NTM: variants seen among roughly 807,000 people sequenced by gnomAD.
NTM encodes the protein IgLON family member 2.
NTM carries 13 observed loss-of-function variants against 42.1 expected under a neutral mutation model. The ratio of observed to expected loss-of-function variants is 0.31; its 90% CI spans 0.20 to 0.49. The LOEUF (loss-of-function observed/expected upper bound fraction) is 0.49. NTM is among the 20% of genes least tolerant of loss of function. NTM has a pLI of 0.99. For synonymous variants in NTM, 187 were observed against 179.2 expected, an observed-to-expected ratio of 1.04 and a Z score of -0.35; for missense variants, 373 against 452.8, an observed-to-expected ratio of 0.82 and a Z score of 1.60.
intron 2 of NTM, among the ~76,000 whole-genome samples, chr11:131,989,329 C>T (rs2066605921): frequency 6.8e-6 from 1 of 147,026 alleles, no homozygotes. Flanking sequence ...TTTAAAAAAT[C>T]AACAGTAATT....
chr11:131,929,516 G>A, intron 2 of NTM, among the ~76,000 whole-genome samples: 1 of 140,614 alleles, frequency 7.1e-6, no homozygotes, highest in Admixed American at 7.1e-5. Context: ...CGTTTTTTTT[G>A]TATACGGCAA....
At chr11:131,613,246 C>T (rs573657036) in intron 1 of NTM, among the ~76,000 whole-genome samples, 7 of 152,330 alleles carry the variant, frequency 4.6e-5, no homozygotes, top group South Asian at 2.1e-4. Flanking sequence ...TAGGCCACTC[C>T]GACAAGCAGA....
intron 1 of NTM, among the ~76,000 whole-genome samples, chr11:131,641,283 G>A (rs977831154): frequency 2.0e-5 from 3 of 152,188 alleles, no homozygotes; most frequent in Admixed American, 6.5e-5. Flanking sequence ...ATCTTAGAAA[G>A]CCACTAATGT....
At chr11:132,322,148 A>G (rs550978370) in intron 7 of NTM, among the ~76,000 whole-genome samples, 118 of 152,230 alleles carry the variant, frequency 7.8e-4, no homozygotes, top group African/African-American at 2.8e-3. Flanking sequence ...AGCTAACATC[A>G]TAATGACAGG....
intron 2 of NTM, among the ~76,000 whole-genome samples, chr11:132,139,641 C>T (rs1272289189): frequency 6.6e-6 from 1 of 152,170 alleles, no homozygotes; most frequent in African/African-American, 2.4e-5. Context: ...GGGACTGCCT[C>T]CTTGCACGAT....
At chr11:132,248,196 G>A (rs1020341080) in intron 4 of NTM, among the ~76,000 whole-genome samples, 31 of 152,048 alleles carry the variant, frequency 2.0e-4, no homozygotes, top group African/African-American at 7.2e-4. Context: ...GAGAGACAGG[G>A]GAAAAAACTG....
At chr11:131,374,459 A>G (rs1941688691) in intron 1 of NTM, among the ~76,000 whole-genome samples, 1 of 152,148 alleles carries the variant, frequency 6.6e-6, no homozygotes, top group African/African-American at 2.4e-5. Flanking sequence ...GGTTCCCTTA[A>G]AGCCAAATAT....
intron 1 of NTM, among the ~76,000 whole-genome samples, chr11:131,607,468 C>T (rs1359140299): frequency 6.6e-6 from 1 of 152,196 alleles, no homozygotes; most frequent in Non-Finnish European, 1.5e-5. Context: ...ATAACTTCAC[C>T]TGGGCCAATT....
intron 2 of NTM, among the ~76,000 whole-genome samples, chr11:131,958,015 T>C (rs538669292): frequency 6.6e-6 from 1 of 152,282 alleles, no homozygotes; most frequent in African/African-American, 2.4e-5. Flanking sequence ...TTCTGATTGG[T>C]GCCATAAAAA....
chr11:131,421,204 T>C (rs545272770), intron 1 of NTM, among the ~76,000 whole-genome samples: 2 of 152,332 alleles, frequency 1.3e-5, no homozygotes, highest in African/African-American at 4.8e-5. Flanking sequence ...GCAATCTGCC[T>C]CCTCCCCTGG....
At chr11:131,531,811 G>A (rs147572181) in intron 1 of NTM, among the ~76,000 whole-genome samples, 2 of 152,176 alleles carry the variant, frequency 1.3e-5, no homozygotes, top group African/African-American at 2.4e-5. Flanking sequence ...CTGATAGGAG[G>A]GGAATTAACT....
intron 4 of NTM, chr11:132,306,168 TTGTTGC>T (rs2095072495): frequency 6.6e-6 from 1 of 152,218 alleles, no homozygotes; most frequent in Non-Finnish European, 1.5e-5. Context: ...GGTCTTGTTG[TTGTTGC>T]TGTTGTTATT....
chr11:131,828,034 G>T (rs1050512166), intron 1 of NTM, among the ~76,000 whole-genome samples: 20 of 152,060 alleles, frequency 1.3e-4, no homozygotes, highest in African/African-American at 4.8e-4. Flanking sequence ...GAGTCAAACT[G>T]CCTGGGTTCA....
chr11:132,260,849 C>T (rs967748817), intron 4 of NTM, among the ~76,000 whole-genome samples: 2 of 152,174 alleles, frequency 1.3e-5, no homozygotes, highest in Non-Finnish European at 2.9e-5. Flanking sequence ...CCCATTAAGT[C>T]ATGAGCCTCA....
chr11:132,164,634 TA>T (rs894190523), intron 3 of NTM, among the ~76,000 whole-genome samples: 2 of 151,944 alleles, frequency 1.3e-5, no homozygotes, highest in Non-Finnish European at 2.9e-5. Context: ...AACCAGCATC[TA>T]AATCTACTGT....
chr11:131,529,973 T>C (rs1238060089), intron 1 of NTM, among the ~76,000 whole-genome samples: 1 of 152,178 alleles, frequency 6.6e-6, no homozygotes, highest in Non-Finnish European at 1.5e-5. Flanking sequence ...TTGAGGAGTG[T>C]ACAAGTGCCT....
intron 1 of NTM, among the ~76,000 whole-genome samples, chr11:131,789,711 C>T (rs912325550): frequency 6.6e-6 from 1 of 150,806 alleles, no homozygotes; most frequent in Non-Finnish European, 1.5e-5. Context: ...AATCCCAGCA[C>T]TTTGGGAGGT....
chr11:131,853,257 A>T (rs1402747496), intron 1 of NTM, among the ~76,000 whole-genome samples: 4 of 152,126 alleles, frequency 2.6e-5, no homozygotes, highest in African/African-American at 9.7e-5. Context: ...TTTTAAGTTC[A>T]TGGGTACATA....
At chr11:131,528,996 G>C (rs1440732093) in intron 1 of NTM, among the ~76,000 whole-genome samples, 1 of 152,192 alleles carries the variant, frequency 6.6e-6, no homozygotes, top group Non-Finnish European at 1.5e-5. Flanking sequence ...GATGTCATGA[G>C]TGCTCAGTAA....
Sources: gnomAD v4.1 joint callset for allele counts (sites outside exome capture counted in the v4.1 genomes callset) on GRCh38, gnomAD v4.1.1 for gene constraint, MANE v1.5 for transcripts, NCBI Gene and HGNC (gene_info 2026-07-23, HGNC 2026-07-21) for gene names.